Variants in DGKB observed in about 807,000 individuals in gnomAD.
DGKB encodes diacylglycerol kinase beta.
Under a neutral mutation model 114.3 loss-of-function variants are expected in DGKB, and 67 were observed. That is an observed-to-expected ratio of 0.59 (90% CI 0.48 to 0.72). DGKB has a LOEUF of 0.72. DGKB is among the 30% of genes least tolerant of loss of function. The pLI, the probability that DGKB is intolerant of heterozygous loss-of-function variation, is 0.00. For missense variants in DGKB, 907 were observed against 975.2 expected (o/e 0.93, Z 0.93); for synonymous variants, 398 against 323.1 (o/e 1.23, Z -2.49).
chr7:14,159,454 G>GAAC (rs1783530751), intron 25 of DGKB, among the ~76,000 whole-genome samples: 1 of 152,108 alleles, frequency 6.6e-6, no homozygotes, highest in African/African-American at 2.4e-5. Context: ...AAAGGATCAT[G>GAAC]AACTTTCCTT....
In DGKB at chr7:14,478,176, TC is replaced by T; in HGVS notation, c.1819del (p.Glu607ArgfsTer7). The T allele has an allele frequency of 6.2e-7, 1 of 1,603,290 alleles. No individual in the cohort carries two copies. The highest frequency in any genetic ancestry group is 8.5e-7 in the Non-Finnish European group (1 of 1,173,550). ...RFHIMREKHP[E>X]KFNSRMKNKF... ...GTCACCTTACCTACTGTTGAATTTC[TC>T]TGGGTGTTTTTCTCTCATGATGTGG... is the stretch of plus-strand genomic sequence containing the variant. On this transcript the variant is annotated frameshift_variant, in exon 21 of 26. Coordinates refer to ENST00000402815, the MANE Select transcript of DGKB (RefSeq NM_001350709.2). LOFTEE classifies it high-confidence loss of function.
intron 20 of DGKB, among the ~76,000 whole-genome samples, chr7:14,563,876 A>C (rs1259262343): frequency 6.6e-6 from 1 of 152,134 alleles, no homozygotes; most frequent in Non-Finnish European, 1.5e-5. Flanking sequence ...CTCAGAGAAA[A>C]GCAAGCTGCT....
chr7:14,704,340 C>A (rs1044171623), intron 6 of DGKB, among the ~76,000 whole-genome samples: 1 of 145,854 alleles, frequency 6.9e-6, no homozygotes, highest in African/African-American at 2.6e-5. Flanking sequence ...CCCAGCTACG[C>A]GGGAGGCTGA....
intron 23 of DGKB, among the ~76,000 whole-genome samples, chr7:14,312,663 G>A (rs1250834259): frequency 2.6e-5 from 4 of 152,182 alleles, no homozygotes; most frequent in Non-Finnish European, 4.4e-5. Context: ...AACAAAATCA[G>A]CCACTTTGTT....
chr7:14,880,721 T>TTAAG lies in DGKB; in HGVS notation c.-188+21867_-188+21870dup, dbSNP rs1263850235. Among the ~76,000 whole-genome samples the TTAAG allele has an allele frequency of 3.9e-5, 6 of 152,324 alleles. No homozygotes were observed. In the East Asian group the frequency reaches 1.2e-3, roughly 29 times the overall value. On this transcript the variant is annotated intron_variant, in intron 1 of 25. Transcript: ENST00000402815. Reference sequence around the variant, plus strand: ...GTTTATGCTCTTTTTAACAAAATGCTTAAGTATCAAAACTAACGACGTCTC... The same window carrying TTAAG: ...GTTTATGCTCTTTTTAACAAAATGCTTAAGTAAGTATCAAAACTAACGACGTCTC...
At chr7:14,375,351 T>C (rs559069877) in intron 21 of DGKB, among the ~76,000 whole-genome samples, 1 of 152,338 alleles carries the variant, frequency 6.6e-6, no homozygotes, top group Admixed American at 6.5e-5. Context: ...TGGATGAAAC[T>C]GAGTGAGAGA....
rs936137059 is a variant in DGKB, at chr7:14,479,460, A to G, written c.1771-1235T>C. ...TAATTGAATGAATCCATGAATGAAAATCACCCAGACATATAGATAGAGGTG... is the reference window on the plus strand; with the variant it reads ...TAATTGAATGAATCCATGAATGAAAGTCACCCAGACATATAGATAGAGGTG... On this transcript the variant is annotated intron_variant, in intron 20 of 25. Coordinates refer to ENST00000402815, the MANE Select transcript of DGKB (RefSeq NM_001350709.2). Among the ~76,000 whole-genome samples the G allele has an allele frequency of 1.7e-4, 26 of 152,224 alleles. No individual in the cohort carries two copies. The East Asian group carries it at 2.1e-3, about 12-fold the overall frequency.
chr7:14,365,009 C>A (rs1816418770), intron 21 of DGKB, among the ~76,000 whole-genome samples: 1 of 151,808 alleles, frequency 6.6e-6, no homozygotes, highest in African/African-American at 2.4e-5. Context: ...AACATCAAAT[C>A]TCTACTTTTC....
At chr7:14,243,562 A>T (rs773218779) in intron 23 of DGKB, among the ~76,000 whole-genome samples, 2 of 152,234 alleles carry the variant, frequency 1.3e-5, no homozygotes, top group Non-Finnish European at 2.9e-5. Context: ...CTATACTTTT[A>T]TACCTTGGCA....
At chr7:14,962,274 T>G (rs552424721) in intron 1 of DGKB, among the ~76,000 whole-genome samples, 2 of 152,226 alleles carry the variant, frequency 1.3e-5, no homozygotes, top group South Asian at 4.1e-4. Flanking sequence ...TAATTTTCAG[T>G]GTGAGAATGG....
intron 23 of DGKB, among the ~76,000 whole-genome samples, chr7:14,219,405 T>C (rs1487707614): frequency 6.6e-6 from 1 of 151,914 alleles, no homozygotes; most frequent in Non-Finnish European, 1.5e-5. Context: ...ATAAGGGTTA[T>C]GATTTCTCCA....
At chr7:14,506,647 C>G (rs372284535) in intron 20 of DGKB, among the ~76,000 whole-genome samples, 1 of 152,122 alleles carries the variant, frequency 6.6e-6, no homozygotes, top group Non-Finnish European at 1.5e-5. Flanking sequence ...TGGAGAGCCA[C>G]GCACTAACCT....
intron 5 of DGKB, among the ~76,000 whole-genome samples, chr7:14,727,787 G>A (rs1290234254): frequency 1.3e-5 from 2 of 152,130 alleles, no homozygotes; most frequent in East Asian, 3.9e-4. Context: ...GACCTGTTAA[G>A]GTACAGCACA....
At chr7:14,328,888 C>T (rs917228535) in intron 23 of DGKB, among the ~76,000 whole-genome samples, 6 of 151,686 alleles carry the variant, frequency 4.0e-5, no homozygotes, top group East Asian at 1.9e-4. Context: ...CAAACCTTGC[C>T]GAAAGCAGAC....
intron 21 of DGKB, among the ~76,000 whole-genome samples, chr7:14,349,855 CAT>C (rs1813130325): frequency 6.6e-6 from 1 of 152,020 alleles, no homozygotes; most frequent in Admixed American, 6.6e-5. Context: ...TCAGTGAAAA[CAT>C]AGCTTTGGAC....
chr7:14,174,668 C>G (rs1781462438), intron 25 of DGKB, among the ~76,000 whole-genome samples: 1 of 152,140 alleles, frequency 6.6e-6, no homozygotes, highest in Non-Finnish European at 1.5e-5. Context: ...ACCATCACCA[C>G]CATTACCACG....
chr7:14,741,195 T>C lies in DGKB; in HGVS notation c.169-5001A>G, dbSNP rs533978713. 2.0e-5 allele frequency among the ~76,000 whole-genome samples: 3 copies of C among 152,160 alleles called. No individual in the cohort carries two copies. In the East Asian group the frequency reaches 5.8e-4, roughly 29 times the overall value. On this transcript the variant is annotated intron_variant, in intron 4 of 25. Transcript: ENST00000402815. ...AACCCTTAAACTGGTTGGCTTAGAA[T>C]TGAGCTCAGGGGAGGGGAACCCAGA...
chr7:14,653,610 C>T (rs1815111405), intron 13 of DGKB, among the ~76,000 whole-genome samples: 1 of 151,456 alleles, frequency 6.6e-6, no homozygotes, highest in South Asian at 2.1e-4. Flanking sequence ...GCATATGTAA[C>T]TAACCTGCAC....
chr7:14,286,937 T>C (rs1220657615), intron 23 of DGKB, among the ~76,000 whole-genome samples: 1 of 152,164 alleles, frequency 6.6e-6, no homozygotes, highest in African/African-American at 2.4e-5. Context: ...TTACATTACC[T>C]TTCCTATTGG....
Sources: gnomAD v4.1 joint callset for allele counts (sites outside exome capture counted in the v4.1 genomes callset) on GRCh38, gnomAD v4.1.1 for gene constraint, MANE v1.5 for transcripts, NCBI Gene and HGNC (gene_info 2026-07-23, HGNC 2026-07-21) for gene names.